N4BP2L2: variants seen among roughly 807,000 people sequenced by gnomAD.
The protein encoded by N4BP2L2 is NEDD4 binding protein 2 like 2.
A neutral mutation model predicts 56.2 loss-of-function variants in N4BP2L2; 50 were observed. The observed-to-expected ratio is 0.89, with a 90% CI of 0.71 to 1.13. The LOEUF (loss-of-function observed/expected upper bound fraction) is 1.13, where lower values mean the gene tolerates loss of function less well. Among genes scored for constraint, N4BP2L2 ranks in the 50% most tolerant of loss-of-function variants. N4BP2L2 has a pLI of 0.00. For synonymous variants in N4BP2L2, 203 were observed against 223.6 expected (o/e 0.91, Z 0.82); for missense variants, 689 against 693.8 (o/e 0.99, Z 0.08).
intron 6 of N4BP2L2, among the ~76,000 whole-genome samples, chr13:32,459,302 AC>A (rs1463085269): frequency 6.6e-6 from 1 of 151,768 alleles, no homozygotes; most frequent in Non-Finnish European, 1.5e-5. Context: ...AAGTAAAAAA[AC>A]AGAGATCAAA....
intron 7 of N4BP2L2, chr13:32,442,262 C>T: frequency 1.2e-6 from 1 of 862,768 alleles, no homozygotes; most frequent in Non-Finnish European, 1.7e-6. Flanking sequence ...TCCTCACTCA[C>T]TGCTGAAAAG....
exon 1 of N4BP2L2, chr13:32,538,673 A>G: frequency 2.0e-6 from 2 of 985,514 alleles, no homozygotes; most frequent in South Asian, 9.4e-5. Flanking sequence ...TCTTTTAGGA[A>G]GACACGAACC....
At chr13:32,510,829 G>C (rs1186894260) in exon 6 of N4BP2L2, 3 of 152,050 alleles carry the variant, frequency 2.0e-5, no homozygotes, top group Non-Finnish European at 4.4e-5. Context: ...TTTAAAAACA[G>C]AATTATAAAT....
chr13:32,471,945 A>T (rs2082382001), intron 6 of N4BP2L2, among the ~76,000 whole-genome samples: 1 of 152,230 alleles, frequency 6.6e-6, no homozygotes, highest in South Asian at 2.1e-4. Flanking sequence ...ATAAAAATAC[A>T]TCACCCATGA....
chr13:32,443,024 TCTGTC>T lies in N4BP2L2; in HGVS notation c.1463_1467del (p.Gly488GlufsTer12), dbSNP rs747480994. 1 of 1,612,836 alleles carries T rather than the reference TCTGTC, an allele frequency of 6.2e-7. No individual in the cohort carries two copies. Among genetic ancestry groups the T allele is most frequent in the Non-Finnish European group, 8.5e-7 (1 of 1,179,682 alleles). Reference sequence around the variant, plus strand: ...TCCCTTTCTTTTACACCGATACGACTCTGTCCTAATAAGTCAAAATTTGGTACCAA... The same window carrying T: ...TCCCTTTCTTTTACACCGATACGACTCTAATAAGTCAAAATTTGGTACCAA... On this transcript the variant is annotated frameshift_variant, in exon 7 of 10. Coordinates refer to the N4BP2L2 transcript ENST00000357505. LOFTEE classifies it high-confidence loss of function.
In N4BP2L2 at chr13:32,453,126, G is replaced by T. The variant is rs181742633; in HGVS notation, c.366-9000C>A. 3.9e-5 allele frequency among the ~76,000 whole-genome samples: 6 copies of T among 152,282 alleles called. No homozygotes were observed. The South Asian group carries it at 1.2e-3, about 32-fold the overall frequency. ...TACAAGAAATTAGCCGAGCATGGTGGTGGGCGCCTGTAGTCCCAGCTACTT... is the reference window on the plus strand; with the variant it reads ...TACAAGAAATTAGCCGAGCATGGTGTTGGGCGCCTGTAGTCCCAGCTACTT... On this transcript the variant is annotated intron_variant, in intron 6 of 9. Coordinates refer to the N4BP2L2 transcript ENST00000357505.
At chr13:32,462,868 A>C (rs1209624755) in intron 6 of N4BP2L2, among the ~76,000 whole-genome samples, 1 of 128,128 alleles carries the variant, frequency 7.8e-6, no homozygotes, top group East Asian at 2.0e-4. Flanking sequence ...TACTAAAAAA[A>C]AAAAAAAAAA....
At chr13:32,536,871 C>G (rs766019201) in exon 2 of N4BP2L2, 1 of 1,614,036 alleles carries the variant, frequency 6.2e-7, no homozygotes, top group Non-Finnish European at 8.5e-7. Context: ...GGGACCCAAT[C>G]ATTTCCAGTT....
intron 2 of N4BP2L2, among the ~76,000 whole-genome samples, chr13:32,533,442 A>G (rs917992271): frequency 6.6e-6 from 1 of 151,976 alleles, no homozygotes; most frequent in Non-Finnish European, 1.5e-5. Context: ...GGACTTGAAC[A>G]CTACCTCCAA....
Position 32,535,754 on chromosome 13 carries a change from G to A in N4BP2L2, c.1259+15C>T, listed in dbSNP as rs749929859. 1 of 1,602,286 alleles carries A rather than the reference G, an allele frequency of 6.2e-7. No homozygotes were observed. Among genetic ancestry groups the A allele is most frequent in the Non-Finnish European group, 8.5e-7 (1 of 1,174,544 alleles). ...TAATGAATTACCAAGTATTCAGTTG[G>A]TATCCTTTACTTACCGAGACAATGT... On this transcript the variant is annotated intron_variant, in intron 2 of 5. Transcript: ENST00000267068.
chr13:32,456,667 C>T (rs1233664233), intron 6 of N4BP2L2, among the ~76,000 whole-genome samples: 3 of 152,090 alleles, frequency 2.0e-5, no homozygotes, highest in South Asian at 4.1e-4. Flanking sequence ...GAGAAATTCA[C>T]CAGAGATAGA....
chr13:32,466,708 G>A (rs1450695990), intron 6 of N4BP2L2, among the ~76,000 whole-genome samples: 1 of 151,982 alleles, frequency 6.6e-6, no homozygotes, highest in Non-Finnish European at 1.5e-5. Context: ...CTTCCTTTAG[G>A]AAAAAAGGAA....
At chr13:32,536,661 A>G (rs765602061) in exon 2 of N4BP2L2, 1 of 1,614,082 alleles carries the variant, frequency 6.2e-7, no homozygotes, top group East Asian at 2.2e-5. Context: ...GGTCCTATAA[A>G]TGCTTTACTT....
At chr13:32,527,367 A>G in intron 3 of N4BP2L2, 41 bp downstream of exon 3, 1 of 1,600,366 alleles carries the variant, frequency 6.2e-7, no homozygotes, top group Non-Finnish European at 8.5e-7. Flanking sequence ...TTTGACTCCT[A>G]GCCAAATATT....
exon 2 of N4BP2L2, chr13:32,535,825 C>A (rs1174483220): frequency 6.2e-7 from 1 of 1,614,130 alleles, no homozygotes. Flanking sequence ...TAAGTAACTT[C>A]TGCAATTTAT....
At chr13:32,477,155 G>T in intron 6 of N4BP2L2, 2 of 569,630 alleles carry the variant, frequency 3.5e-6, no homozygotes, top group South Asian at 3.2e-5. Flanking sequence ...TACACCAGCT[G>T]AGCAGTCTGA....
chr13:32,500,635 TTGAACTTAGGA>T (rs901364091), intron 6 of N4BP2L2, among the ~76,000 whole-genome samples: 1 of 151,366 alleles, frequency 6.6e-6, no homozygotes, highest in African/African-American at 2.4e-5. Context: ...GGAGGACTGC[TTGAACTTAGGA>T]GTCCAAGGCT....
At chr13:32,516,831 T>C in exon 6 of N4BP2L2, 1 of 863,566 alleles carries the variant, frequency 1.2e-6, no homozygotes, top group South Asian at 5.3e-5. Context: ...TGCTTAATTA[T>C]CTAGGTTAGT....
Position 32,536,294 on chromosome 13 carries a change from TTGTC to T in N4BP2L2, c.730_733del (p.Asp244AsnfsTer8), listed in dbSNP as rs925916963. On this transcript the variant is annotated frameshift_variant, in exon 2 of 6. Transcript: ENST00000267068. LOFTEE classifies it high-confidence loss of function. ...TATTACTTGTCCATTACAGGGATAT[TTGTC>T]TGGCTCATTCCCCAAGTTCTGCTGA... is the stretch of plus-strand genomic sequence containing the variant. 1.5e-5 allele frequency: 24 copies of T among 1,613,470 alleles called. No individual in the cohort carries two copies. The African/African-American group carries it at 2.4e-4, about 16-fold the overall frequency.
Sources: gnomAD v4.1 joint callset for allele counts (sites outside exome capture counted in the v4.1 genomes callset) on GRCh38, gnomAD v4.1.1 for gene constraint, MANE v1.5 for transcripts, NCBI Gene and HGNC (gene_info 2026-07-23, HGNC 2026-07-21) for gene names.